The following EHD4 variants were observed in gnomAD, a reference collection of about 807,000 sequenced individuals.
EHD4 encodes EH domain-containing protein 4.
EHD4 carries 37 observed loss-of-function variants against 51.0 expected under a neutral mutation model. The ratio of observed to expected loss-of-function variants is 0.73; its 90% confidence interval spans 0.56 to 0.95. The LOEUF is 0.95. Ranked by LOEUF, EHD4 falls within the 40% of genes least tolerant of loss-of-function variation. EHD4 has a pLI of 0.00. For synonymous variants in EHD4, 297 were observed against 317.3 expected, an observed-to-expected ratio of 0.94 and a Z score of 0.68; for missense variants, 632 against 733.1, an observed-to-expected ratio of 0.86 and a Z score of 1.59.
intron 1 of EHD4, among the ~76,000 whole-genome samples, chr15:41,958,861 G>C (rs560536702): frequency 3.3e-5 from 5 of 152,086 alleles, no homozygotes; most frequent in Non-Finnish European, 7.3e-5. Context: ...AGGAAACTAA[G>C]GCTCAAATGG....
chr15:41,937,070 C>A (rs1396576886), intron 3 of EHD4, among the ~76,000 whole-genome samples: 2 of 152,226 alleles, frequency 1.3e-5, no homozygotes, highest in African/African-American at 4.8e-5. Flanking sequence ...TCACTGAATG[C>A]AAACTCTAAA....
At chr15:41,939,449 C>T (rs1247466303) in intron 3 of EHD4, among the ~76,000 whole-genome samples, 4 of 151,264 alleles carry the variant, frequency 2.6e-5, no homozygotes, top group African/African-American at 7.3e-5. Context: ...AATCCCAGCA[C>T]TTTGGGAGGC....
At chr15:41,913,216 C>G (rs963771792) in intron 4 of EHD4, among the ~76,000 whole-genome samples, 4 of 152,190 alleles carry the variant, frequency 2.6e-5, no homozygotes, top group Non-Finnish European at 4.4e-5. Flanking sequence ...GGTAAACAGA[C>G]GGGACAGCTT....
At chr15:41,916,747 C>A (rs1199108617) in intron 4 of EHD4, among the ~76,000 whole-genome samples, 18 of 152,228 alleles carry the variant, frequency 1.2e-4, no homozygotes, top group Non-Finnish European at 2.9e-5. Context: ...CTTCCTGTCC[C>A]CGTTCCTCAG....
At chr15:41,914,087 G>A (rs2067567610) in intron 4 of EHD4, among the ~76,000 whole-genome samples, 1 of 152,116 alleles carries the variant, frequency 6.6e-6, no homozygotes, top group African/African-American at 2.4e-5. Flanking sequence ...ATGTACTAAA[G>A]AGTGATACTG....
chr15:41,942,120 T>C (rs1339258412), intron 3 of EHD4: 2 of 152,404 alleles, frequency 1.3e-5, no homozygotes, highest in Non-Finnish European at 2.9e-5. Flanking sequence ...GGACCTGTGA[T>C]GGCAGGAACC....
rs546829665 is a variant in EHD4, at chr15:41,937,845, C to T, written c.511+5222G>A. Among the ~76,000 whole-genome samples, 424 of 152,216 alleles carry T rather than the reference C, an allele frequency of 2.8e-3. 2 individuals are homozygous for T. Among genetic ancestry groups the T allele is most frequent in the Non-Finnish European group, 4.4e-3 (301 of 68,016 alleles). On this transcript the variant is annotated intron_variant, in intron 3 of 5. Coordinates refer to ENST00000220325, the MANE Select transcript of EHD4 (RefSeq NM_139265.4). Reference sequence around the variant, plus strand: ...TCCAGGCCCCATTTCCTAGCTCTGTCGATTCTTTTGAGATATGGGTTGAGT... The same window carrying T: ...TCCAGGCCCCATTTCCTAGCTCTGTTGATTCTTTTGAGATATGGGTTGAGT...
chr15:41,901,898 T>C (rs2067480268), intron 5 of EHD4, among the ~76,000 whole-genome samples: 1 of 152,156 alleles, frequency 6.6e-6, no homozygotes, highest in Non-Finnish European at 1.5e-5. Context: ...ACGGAGACCT[T>C]GCATATACAA....
In EHD4 at chr15:41,964,766, A is replaced by ATAT. The variant is rs1179343561; in HGVS notation, c.236+7492_236+7493insATA. ...AGGAATATATATAAGCCTGAAAAAAAAAAAAAATATATATATATATTTTGA... is the reference window on the plus strand; with the variant it reads ...AGGAATATATATAAGCCTGAAAAAAATATAAAAAAATATATATATATATTTTGA... On this transcript the variant is annotated intron_variant, in intron 1 of 5. Transcript: ENST00000220325. 2.7e-5 allele frequency among the ~76,000 whole-genome samples: 3 copies of ATAT among 111,650 alleles called. No individual in the cohort carries two copies. In the Admixed American group the frequency reaches 2.7e-4, roughly 10 times the overall value. 73.2% of individuals were successfully genotyped at this position (111,650 alleles called of 152,430 possible). A position where few individuals can be genotyped will look rare whatever the true frequency, so the allele number is the denominator to read the frequency against.
At chr15:41,931,741 A>C (rs2067699999) in intron 3 of EHD4, among the ~76,000 whole-genome samples, 1 of 151,384 alleles carries the variant, frequency 6.6e-6, no homozygotes, top group Non-Finnish European at 1.5e-5. Context: ...CAGTGGCGCA[A>C]TCTCAGCTCA....
At chr15:41,902,793 G>GTA (rs1478407506) in intron 5 of EHD4, among the ~76,000 whole-genome samples, 6 of 146,366 alleles carry the variant, frequency 4.1e-5, no homozygotes, top group African/African-American at 1.0e-4. Flanking sequence ...ATATGTATGT[G>GTA]TATATATATG....
intron 2 of EHD4, among the ~76,000 whole-genome samples, chr15:41,948,000 T>A (rs1301538605): frequency 7.8e-6 from 1 of 128,558 alleles, no homozygotes; most frequent in African/African-American, 2.6e-5. Flanking sequence ...CTCACGCCTG[T>A]AATCCCAGCA....
intron 3 of EHD4, among the ~76,000 whole-genome samples, chr15:41,938,280 C>T (rs763348494): frequency 3.3e-5 from 5 of 152,314 alleles, no homozygotes; most frequent in East Asian, 1.9e-4. Context: ...ACTACCCAGG[C>T]GCCTTTTTGA....
intron 3 of EHD4, among the ~76,000 whole-genome samples, chr15:41,927,702 G>T (rs972233698): frequency 4.6e-5 from 7 of 152,158 alleles, no homozygotes; most frequent in African/African-American, 1.7e-4. Flanking sequence ...AAGGAAATGG[G>T]GCTTTGCTAA....
intron 2 of EHD4, among the ~76,000 whole-genome samples, chr15:41,948,304 C>A (rs2141002063): frequency 6.6e-6 from 1 of 151,982 alleles, no homozygotes; most frequent in Middle Eastern, 3.4e-3. Context: ...ACCCAGGGAA[C>A]CACCACAAAT....
rs750016209 is a variant in EHD4, at chr15:41,919,322, C to T, written c.812G>A (p.Arg271His). The T allele has an allele frequency of 2.9e-5, 47 of 1,614,070 alleles. No homozygotes were observed. The highest frequency in any genetic ancestry group is 4.4e-5 in the South Asian group (4 of 91,090). Residue 271 changes from arginine to histidine, a missense_variant, in exon 4 of 6, where the codon CGC becomes CAC. Transcript: ENST00000220325. ...CTGGGCCTCAGCCTCGAAGAGCCGGCGGTTGTCCGTGTTCTGCAGGGGCTG... is the reference window on the plus strand; with the variant it reads ...CTGGGCCTCAGCCTCGAAGAGCCGGTGGTTGTCCGTGTTCTGCAGGGGCTG... ...WAQPLQNTDN[R>H]RLFEAEAQDL... is the part of the protein sequence containing the mutation.
chr15:41,941,027 T>C (rs1009810696), intron 3 of EHD4, among the ~76,000 whole-genome samples: 11 of 152,144 alleles, frequency 7.2e-5, no homozygotes, highest in Non-Finnish European at 1.5e-5. Context: ...CAGCTCAGAA[T>C]AGCTGTGGAA....
At chr15:41,910,074 G>A (rs537663203) in intron 4 of EHD4, among the ~76,000 whole-genome samples, 1 of 150,384 alleles carries the variant, frequency 6.6e-6, no homozygotes, top group African/African-American at 2.4e-5. Flanking sequence ...TACGGCTACT[G>A]TTCTGTTGTG....
At chr15:41,923,122 A>G (rs77189784) in intron 3 of EHD4, among the ~76,000 whole-genome samples, 8,878 of 152,080 alleles carry the variant, frequency 0.058, 362 homozygotes, top group Non-Finnish European at 0.078. Flanking sequence ...CCACCATCCA[A>G]CTGAAACTCT....
Sources: allele counts gnomAD v4.1 joint callset (sites outside exome capture counted in the v4.1 genomes callset), GRCh38; gene constraint gnomAD v4.1.1; transcripts MANE v1.5; gene names NCBI Gene and HGNC (gene_info 2026-07-23, HGNC 2026-07-21).